Variants in FEZ2 observed in about 807,000 individuals in gnomAD.
FEZ2 encodes the protein fasciculation and elongation protein zeta 2.
In FEZ2, 51 loss-of-function variants were observed where a neutral mutation model predicts 40.4. That is an observed-to-expected ratio of 1.26 (90% CI 1.01 to 1.59). The LOEUF (loss-of-function observed/expected upper bound fraction) is 1.59, where lower values mean the gene tolerates loss of function less well. FEZ2 is among the 40% of genes most tolerant of loss of function. FEZ2 has a pLI of 0.00. For missense variants in FEZ2, 640 were observed against 438.3 expected (o/e 1.46, Z -4.11); for synonymous variants, 242 against 172.0 (o/e 1.41, Z -3.18).
intron 5 of FEZ2, 25 bp from the exon 6 acceptor site, chr2:36,558,538 G>A: frequency 1.5e-6 from 2 of 1,378,478 alleles, no homozygotes; most frequent in Non-Finnish European, 2.0e-6. Flanking sequence ...AAAAAAAAGT[G>A]TCACTTAAAT....
rs543003478 is a variant in FEZ2 at position 36,562,941 on chromosome 2, A to C, written c.904-4428T>G. Reference sequence around the variant, plus strand: ...ATGTTTAAGCTAGATACAAATTCATAAAATCTAAAGCTAGATAAAAAGTTT... The same window carrying C: ...ATGTTTAAGCTAGATACAAATTCATCAAATCTAAAGCTAGATAAAAAGTTT... On this transcript the variant is annotated intron_variant, in intron 5 of 7. Transcript: ENST00000405912. Among the ~76,000 whole-genome samples the C allele has an allele frequency of 2.4e-3, 369 of 152,352 alleles. 4 individuals are homozygous for C. The highest frequency in any genetic ancestry group is 0.015 in the South Asian group (71 of 4,826).
intron 2 of FEZ2, among the ~76,000 whole-genome samples, chr2:36,585,547 G>A (rs962960726): frequency 3.3e-5 from 5 of 152,182 alleles, no homozygotes; most frequent in Non-Finnish European, 5.9e-5. Flanking sequence ...ATTACCTAGT[G>A]CGGTCCATTT....
chr2:36,554,418 G>A (rs191959879), intron 7 of FEZ2, among the ~76,000 whole-genome samples: 114 of 152,204 alleles, frequency 7.5e-4, no homozygotes, highest in African/African-American at 2.1e-3. Flanking sequence ...CTAGGAACCC[G>A]ATATAATTAA....
At chr2:36,588,292 T>C (rs951844773) in intron 2 of FEZ2, among the ~76,000 whole-genome samples, 2 of 152,142 alleles carry the variant, frequency 1.3e-5, no homozygotes, top group Non-Finnish European at 2.9e-5. Flanking sequence ...CCTCCCAAAG[T>C]GCTGGGATTA....
chr2:36,567,039 C>A (rs1668263659), intron 5 of FEZ2, among the ~76,000 whole-genome samples: 2 of 152,136 alleles, frequency 1.3e-5, no homozygotes, highest in African/African-American at 4.8e-5. Context: ...ATTCAGAGTC[C>A]AGTGGCTTCA....
chr2:36,587,831 GA>G (rs1668945925), intron 2 of FEZ2, among the ~76,000 whole-genome samples: 1 of 152,034 alleles, frequency 6.6e-6, no homozygotes, highest in South Asian at 2.1e-4. Flanking sequence ...CCATGTAATA[GA>G]ATGACGTGAT....
chr2:36,574,223 T>C (rs1157630245), intron 5 of FEZ2, among the ~76,000 whole-genome samples: 2 of 152,332 alleles, frequency 1.3e-5, no homozygotes, highest in East Asian at 3.9e-4. Flanking sequence ...CGTCTGTATG[T>C]AGGACGAAGA....
At chr2:36,570,403 T>C (rs76259623) in intron 5 of FEZ2, among the ~76,000 whole-genome samples, 8,959 of 152,234 alleles carry the variant, frequency 0.059, 365 homozygotes, top group Non-Finnish European at 0.092. Flanking sequence ...GAAGATCTTT[T>C]TAAAATTTTT....
intron 5 of FEZ2, among the ~76,000 whole-genome samples, chr2:36,569,597 T>C (rs1383810768): frequency 6.6e-6 from 1 of 152,256 alleles, no homozygotes; most frequent in African/African-American, 2.4e-5. Context: ...TGCTGCAGTT[T>C]GTTAGTTCTT....
At chr2:36,569,923 A>G (rs923820408) in intron 5 of FEZ2, among the ~76,000 whole-genome samples, 1 of 152,238 alleles carries the variant, frequency 6.6e-6, no homozygotes, top group African/African-American at 2.4e-5. Flanking sequence ...CTTCATTAAT[A>G]TTCTTTATAC....
rs2125219137 is a variant in FEZ2 at position 36,558,451 on chromosome 2, T to C, written c.966A>G (p.Gln322=). ...KNGPPSVEDL[Q]ILTKILRAMK... ...GTCTTTGCTCACTTTTTGTTAATATTTGAAGATCTTCAACAGACGGTGGTC... is the reference window on the plus strand; with the variant it reads ...GTCTTTGCTCACTTTTTGTTAATATCTGAAGATCTTCAACAGACGGTGGTC... Residue 322 remains glutamine, a synonymous_variant, in exon 6 of 8, where the codon CAA becomes CAG. Transcript: ENST00000405912. The C allele has an allele frequency of 6.5e-7, 1 of 1,527,186 alleles. No homozygotes were observed. The highest frequency in any genetic ancestry group is 8.8e-7 in the Non-Finnish European group (1 of 1,132,934). The allele number at this position is 1,527,186 out of a possible 1,614,324, so 94.6% of individuals were successfully genotyped here. A position where few individuals can be genotyped will look rare whatever the true frequency, so the allele number is the denominator to read the frequency against.
Position 36,598,036 on chromosome 2 carries a change from G to A in FEZ2, c.107C>T (p.Ala36Val), listed in dbSNP as rs1216922176. Residue 36 changes from alanine (A) to valine (V), a missense_variant, in exon 1 of 8, where the codon GCG (alanine) becomes GTG (valine). By Grantham distance (64) the Ala-to-Val change is moderately conservative. Transcript: ENST00000405912. Reference sequence around the variant, plus strand: ...GGCGCCCCCACCCGCCTCGGCCCCCGCCTCCGCCCCAGGCTCGGGGCTCGC... The same window carrying A: ...GGCGCCCCCACCCGCCTCGGCCCCCACCTCCGCCCCAGGCTCGGGGCTCGC... ...CNASPEPGAE[A>V]GAEAGGGADG... The A allele has an allele frequency of 1.1e-6, 1 of 900,786 alleles. No homozygotes were observed. Among genetic ancestry groups the A allele is most frequent in the South Asian group, 1.6e-5 (1 of 63,544 alleles). 55.8% of individuals were successfully genotyped at this position (900,786 alleles called of 1,614,324 possible).
At chr2:36,570,388 T>C (rs895325340) in intron 5 of FEZ2, among the ~76,000 whole-genome samples, 1 of 152,182 alleles carries the variant, frequency 6.6e-6, no homozygotes, top group Non-Finnish European at 1.5e-5. Context: ...TTAATTTTTA[T>C]CTTTGAAGAT....
chr2:36,598,035 CG>C lies in FEZ2; in HGVS notation c.107del (p.Ala36GlyfsTer23). On this transcript the variant is annotated frameshift_variant, in exon 1 of 8. Coordinates refer to ENST00000405912, the MANE Select transcript of FEZ2 (RefSeq NM_005102.3). LOFTEE classifies it high-confidence loss of function. ...CGGCGCCCCCACCCGCCTCGGCCCC[CG>C]CCTCCGCCCCAGGCTCGGGGCTCGC... Reference protein sequence around the residue: ...CNASPEPGAEAGAEAGGGADG... With the variant: ...CNASPEPGAEXGAEAGGGADG... 2.0e-6 allele frequency: 3 copies of C among 1,500,672 alleles called. No individual in the cohort carries two copies. Among genetic ancestry groups the C allele is most frequent in the Non-Finnish European group, 2.7e-6 (3 of 1,129,404 alleles). The allele number at this position is 1,500,672 out of a possible 1,614,324, so 93.0% of individuals were successfully genotyped here.
Position 36,593,203 on chromosome 2 carries a change from T to C in FEZ2, c.267-2192A>G, listed in dbSNP as rs556698554. Among the ~76,000 whole-genome samples the C allele has an allele frequency of 8.4e-4, 127 of 151,964 alleles. 3 individuals are homozygous for C. In the East Asian group the frequency reaches 0.022, roughly 26 times the overall value. ...GGCTGAGGAGGCCTCAGAATCATGGTGGGAGACAAAAGGCACTTCTTACAT... is the reference window on the plus strand; with the variant it reads ...GGCTGAGGAGGCCTCAGAATCATGGCGGGAGACAAAAGGCACTTCTTACAT... On this transcript the variant is annotated intron_variant, in intron 1 of 7. Transcript: ENST00000405912.
At chr2:36,565,941 G>C (rs919569190) in intron 5 of FEZ2, among the ~76,000 whole-genome samples, 1 of 152,066 alleles carries the variant, frequency 6.6e-6, no homozygotes, top group African/African-American at 2.4e-5. Context: ...CATGTCCCAT[G>C]GGGGGCAAAA....
At chr2:36,592,657 A>AAG (rs2148352124) in intron 1 of FEZ2, among the ~76,000 whole-genome samples, 1 of 151,314 alleles carries the variant, frequency 6.6e-6, no homozygotes, top group East Asian at 1.9e-4. Flanking sequence ...AAAAAAAAAA[A>AAG]AAAAAAAAAT....
chr2:36,581,473 G>C lies in FEZ2; in HGVS notation c.493-42C>G, dbSNP rs200575769. On this transcript the variant is annotated intron_variant, in intron 3 of 7. Transcript: ENST00000405912. ...ACCACTGTTAATCAAATATACAAAAGGAAAATGATCTATCTGGAACACAGT... is the reference window on the plus strand; with the variant it reads ...ACCACTGTTAATCAAATATACAAAACGAAAATGATCTATCTGGAACACAGT... 2,586 of 1,589,182 alleles carry C rather than the reference G, an allele frequency of 1.6e-3. 5 individuals carry two copies. The highest frequency in any genetic ancestry group is 2.1e-3 in the Non-Finnish European group (2,422 of 1,158,094).
In FEZ2 at chr2:36,590,905, CT is replaced by C. The variant is rs770960208; in HGVS notation, c.372del (p.Val126Ter). 1.9e-6 allele frequency: 3 copies of C among 1,577,098 alleles called. No homozygotes were observed. The highest frequency in any genetic ancestry group is 1.7e-5 in the Admixed American group (1 of 59,912). On this transcript the variant is annotated frameshift_variant, in exon 2 of 8. Coordinates refer to ENST00000405912, the MANE Select transcript of FEZ2 (RefSeq NM_005102.3). LOFTEE classifies it high-confidence loss of function. ...LHLLTLNLSEKGVSDSLLFDT... is the reference protein window; with the variant it reads ...LHLLTLNLSEXGVSDSLLFDT... The stretch of plus-strand genomic sequence containing the variant: ...TATTGGTTCAATTCCTAACTTACCC[CT>C]TTTTCTGAGAGGTTCAGAGTAAGCA...
Sources: gnomAD v4.1 joint callset for allele counts (sites outside exome capture counted in the v4.1 genomes callset) on GRCh38, gnomAD v4.1.1 for gene constraint, MANE v1.5 for transcripts, NCBI Gene and HGNC (gene_info 2026-07-23, HGNC 2026-07-21) for gene names.